SMARCD3: variants seen among roughly 807,000 people sequenced by gnomAD.
SMARCD3 encodes the protein SWI/SNF related BAF chromatin remodeling complex subunit D3.
In SMARCD3, 14 loss-of-function variants were observed where a neutral mutation model predicts 58.0. The ratio of observed to expected loss-of-function variants is 0.24; its 90% CI spans 0.16 to 0.38. The LOEUF is 0.38. SMARCD3 is among the 10% of genes least tolerant of loss of function. The pLI is 1.00. For missense variants in SMARCD3, 408 were observed against 636.9 expected (o/e 0.64, Z 3.87); for synonymous variants, 253 against 253.8 (o/e 1.00, Z 0.03).
intron 1 of SMARCD3, among the ~76,000 whole-genome samples, chr7:151,247,884 T>A (rs1803347697): frequency 6.6e-6 from 1 of 151,982 alleles, no homozygotes; most frequent in African/African-American, 2.4e-5. Flanking sequence ...GGTGGCTGAG[T>A]CCGCCAAGGA....
intron 2 of SMARCD3, among the ~76,000 whole-genome samples, chr7:151,268,987 C>T (rs1407529791): frequency 2.0e-5 from 3 of 152,222 alleles, no homozygotes; most frequent in Admixed American, 6.5e-5. Flanking sequence ...AGTCACTTCA[C>T]TCTTTCACTT....
At chr7:151,252,634 T>C (rs570241391), upstream of SMARCD3, among the ~76,000 whole-genome samples, 1 of 152,104 alleles carries the variant, frequency 6.6e-6, no homozygotes, top group Non-Finnish European at 1.5e-5. Context: ...TCGGGGGACC[T>C]CTGGCTAGTC....
At position 151,238,785 on chromosome 7, in the gene SMARCD3, T is replaced by A. The variant is rs776081151; in HGVS notation, c.*318A>T. ...GATAGAGAATTGTTGCTGTATTTTT[T>A]AAATATGAAAATGTTATTAAACATG... On this transcript the variant is annotated 3_prime_UTR_variant, in exon 13 of 13. Coordinates refer to ENST00000262188, the MANE Select transcript of SMARCD3 (RefSeq NM_001003801.2). 42 of 1,564,376 alleles carry A rather than the reference T, an allele frequency of 2.7e-5. No individual in the cohort carries two copies. The South Asian group carries it at 4.2e-4, about 16-fold the overall frequency.
In SMARCD3 at chr7:151,242,954, C is replaced by T; in HGVS notation, c.334-111G>A. Reference sequence around the variant, plus strand: ...TACAAAAGATGTCAGGGGAGCCATCCTACTTTTGGGCATGTAGCTTTGACA... The same window carrying T: ...TACAAAAGATGTCAGGGGAGCCATCTTACTTTTGGGCATGTAGCTTTGACA... On this transcript the variant is annotated intron_variant, in intron 3 of 12. Coordinates refer to ENST00000262188, the MANE Select transcript of SMARCD3 (RefSeq NM_001003801.2). This position sits in a 1 kb window ranked among gnomAD's most constrained non-coding sequence, Gnocchi z 4.7. 1.5e-6 allele frequency: 2 copies of T among 1,365,154 alleles called. No individual in the cohort carries two copies. The highest frequency in any genetic ancestry group is 2.0e-6 in the Non-Finnish European group (2 of 1,002,396). 84.6% of individuals were successfully genotyped at this position (1,365,154 alleles called of 1,614,324 possible). A position where few individuals can be genotyped will look rare whatever the true frequency, so the allele number is the denominator to read the frequency against.
At position 151,239,988 on chromosome 7, in the gene SMARCD3, C is replaced by CT. The variant is rs552440384; in HGVS notation, c.1173+123dup. The CT allele has an allele frequency of 0.15, 121,168 of 820,738 alleles. 3,821 individuals carry two copies. Among genetic ancestry groups the CT allele is most frequent in the African/African-American group, 0.2 (10,873 of 54,086 alleles). The allele number at this position is 820,738 out of a possible 1,614,324, so 50.8% of individuals were successfully genotyped here. ...GTCCCATTGGCCCAGAGTCTGGTCT[C>CT]TTTTTTTTTTTTTTTTTTAATTTAA... is the stretch of plus-strand genomic sequence containing the variant. On this transcript the variant is annotated intron_variant, in intron 10 of 12. Coordinates refer to ENST00000262188, the MANE Select transcript of SMARCD3 (RefSeq NM_001003801.2). This position sits in a 1 kb window ranked among gnomAD's most constrained non-coding sequence, Gnocchi z 7.0.
chr7:151,252,450 AGAGAGCGAGAGAACGCGAGAGGAGAGG>A (rs1221977403), upstream of SMARCD3, among the ~76,000 whole-genome samples: 1 of 151,562 alleles, frequency 6.6e-6, no homozygotes, highest in Non-Finnish European at 1.5e-5. Flanking sequence ...TGAGAGAGAG[AGAGAGCGAGAGAACGCGAGAGGAGAGG>A]GAGAGAGAGA....
chr7:151,242,378 G>T lies in SMARCD3; in HGVS notation c.579+103C>A. On this transcript the variant is annotated intron_variant, in intron 5 of 12. Coordinates refer to ENST00000262188, the MANE Select transcript of SMARCD3 (RefSeq NM_001003801.2). This position sits in a 1 kb window ranked among gnomAD's most constrained non-coding sequence, Gnocchi z 4.7. ...GTCTCTAGGCCTGCCCCTCCACCCA[G>T]CCTGGGCTGACTCCCTAGCCCTTAG... The T allele has an allele frequency of 6.6e-7, 1 of 1,512,776 alleles. No homozygotes were observed. Among genetic ancestry groups the T allele is most frequent in the Non-Finnish European group, 9.1e-7 (1 of 1,097,642 alleles). The allele number at this position is 1,512,776 out of a possible 1,614,324, so 93.7% of individuals were successfully genotyped here.
Position 151,245,636 on chromosome 7 carries a change from G to T in SMARCD3, c.114C>A (p.His38Gln). Residue 38 changes from histidine (H) to glutamine (Q), a missense_variant, in exon 2 of 13, where the codon CAC (histidine) becomes CAA (glutamine). By Grantham distance (24) the His-to-Gln change is conservative. Around this residue, in one of 4 missense-constraint regions of SMARCD3, gnomAD observed 84 missense variants for 81.2 expected, o/e 1.03. Coordinates refer to ENST00000262188, the MANE Select transcript of SMARCD3 (RefSeq NM_001003801.2). The surrounding 1 kb of genome is among the most constrained non-coding windows in gnomAD (Gnocchi z 6.2). Reference sequence around the variant, plus strand: ...CCGGGGGGCCCATGGGCGCCCCCTGGTGGGGCATCCGGGCTCCAGACGGCA... The same window carrying T: ...CCGGGGGGCCCATGGGCGCCCCCTGTTGGGGCATCCGGGCTCCAGACGGCA... Reference protein sequence around the residue: ...PGMPSGARMPHQGAPMGPPGS... With the variant: ...PGMPSGARMPQQGAPMGPPGS... The T allele has an allele frequency of 1.7e-6, 2 of 1,185,502 alleles. No individual in the cohort carries two copies. The highest frequency in any genetic ancestry group is 2.1e-6 in the Non-Finnish European group (2 of 946,244). The allele number at this position is 1,185,502 out of a possible 1,614,324, so 73.4% of individuals were successfully genotyped here.
chr7:151,247,886 C>T (rs1803347829), intron 1 of SMARCD3, among the ~76,000 whole-genome samples: 1 of 152,152 alleles, frequency 6.6e-6, no homozygotes, highest in South Asian at 2.1e-4. Flanking sequence ...TGGCTGAGTC[C>T]GCCAAGGAGA....
At position 151,239,769 on chromosome 7, in the gene SMARCD3, T is replaced by G; in HGVS notation, c.1174-23A>C. The G allele has an allele frequency of 6.2e-7, 1 of 1,613,368 alleles. No homozygotes were observed. The highest frequency in any genetic ancestry group is 8.5e-7 in the Non-Finnish European group (1 of 1,179,794). ...GATCTGCAGGTAGAAAGATAGATGC[T>G]TTCCACCTGGCTTTGGTGATGTGGG... is the stretch of plus-strand genomic sequence containing the variant. On this transcript the variant is annotated intron_variant, in intron 10 of 12. Coordinates refer to ENST00000262188, the MANE Select transcript of SMARCD3 (RefSeq NM_001003801.2). This position sits in a 1 kb window ranked among gnomAD's most constrained non-coding sequence, Gnocchi z 7.0.
Position 151,241,216 on chromosome 7 carries a change from G to A in SMARCD3, c.939+276C>T, listed in dbSNP as rs1456265187. On this transcript the variant is annotated intron_variant, in intron 8 of 12. Coordinates refer to ENST00000262188, the MANE Select transcript of SMARCD3 (RefSeq NM_001003801.2). The surrounding 1 kb of genome is among the most constrained non-coding windows in gnomAD (Gnocchi z 5.3). ...TGGGGATCCTAACTCCAAGTGCCAA[G>A]AATATTACATTCCAGAAAGCGGTTG... 1 of 470,828 alleles carries A rather than the reference G, an allele frequency of 2.1e-6. No homozygotes were observed. Among genetic ancestry groups the A allele is most frequent in the Non-Finnish European group, 3.9e-6 (1 of 254,684 alleles). The allele number at this position is 470,828 out of a possible 1,614,324, so 29.2% of individuals were successfully genotyped here. A position where few individuals can be genotyped will look rare whatever the true frequency, so the allele number is the denominator to read the frequency against.
chr7:151,242,716 G>A lies in SMARCD3; in HGVS notation c.456+5C>T. 6.2e-7 allele frequency: 1 copy of A among 1,613,968 alleles called. No individual in the cohort carries two copies. ...AGTCCCCTTCCTACCCCCGAACTAA[G>A]GCACCTTCATGGGCCTCTTCAGAGC... On this transcript the variant is annotated splice_donor_5th_base_variant and intron_variant, in intron 4 of 12. Coordinates refer to ENST00000262188, the MANE Select transcript of SMARCD3 (RefSeq NM_001003801.2). The surrounding 1 kb of genome is among the most constrained non-coding windows in gnomAD (Gnocchi z 4.7).
rs980478683 is a variant in SMARCD3 at position 151,242,392 on chromosome 7, C to G, written c.579+89G>C. 1.9e-6 allele frequency: 3 copies of G among 1,551,726 alleles called. No individual in the cohort carries two copies. In the African/African-American group the frequency reaches 4.1e-5, roughly 21 times the overall value. On this transcript the variant is annotated intron_variant, in intron 5 of 12. Transcript: ENST00000262188. This position sits in a 1 kb window ranked among gnomAD's most constrained non-coding sequence, Gnocchi z 4.7. ...CCCTCCACCCAGCCTGGGCTGACTCCCTAGCCCTTAGTGCAGACACCTTGT... is the reference window on the plus strand; with the variant it reads ...CCCTCCACCCAGCCTGGGCTGACTCGCTAGCCCTTAGTGCAGACACCTTGT...
intron 2 of SMARCD3, among the ~76,000 whole-genome samples, chr7:151,266,516 A>G (rs569066691): frequency 6.2e-4 from 94 of 152,264 alleles, no homozygotes; most frequent in African/African-American, 2.1e-3. Flanking sequence ...ATCGATCTGC[A>G]TCTATATCTT....
rs1803239838 is a variant in SMARCD3 at position 151,245,946 on chromosome 7, C to G, written c.79-275G>C. The G allele has an allele frequency of 6.0e-6, 2 of 333,520 alleles. No homozygotes were observed. Among genetic ancestry groups the G allele is most frequent in the Admixed American group, 9.7e-5 (2 of 20,590 alleles). The allele number at this position is 333,520 out of a possible 1,614,324, so 20.7% of individuals were successfully genotyped here. A position where few individuals can be genotyped will look rare whatever the true frequency, so the allele number is the denominator to read the frequency against. On this transcript the variant is annotated intron_variant, in intron 1 of 12. Transcript: ENST00000262188. The surrounding 1 kb of genome is among the most constrained non-coding windows in gnomAD (Gnocchi z 6.2). ...CGAGCCTCGGGGCTGCGGAAGGTACCGCAAAAATGAATATTAATGGCGCCT... is the reference window on the plus strand; with the variant it reads ...CGAGCCTCGGGGCTGCGGAAGGTACGGCAAAAATGAATATTAATGGCGCCT...
Position 151,248,514 on chromosome 7 carries a change from T to G in SMARCD3, c.49A>C (p.Lys17Gln), listed in dbSNP as rs1455244035. The G allele has an allele frequency of 3.1e-6, 5 of 1,613,236 alleles. No homozygotes were observed. The highest frequency in any genetic ancestry group is 4.2e-6 in the Non-Finnish European group (5 of 1,179,540). Residue 17 changes from lysine to glutamine, a missense_variant, in exon 1 of 13, where the codon AAA becomes CAA. Lys to Gln is a moderately conservative substitution (Grantham distance 53). Coordinates refer to ENST00000262188, the MANE Select transcript of SMARCD3 (RefSeq NM_001003801.2). The surrounding 1 kb of genome is among the most constrained non-coding windows in gnomAD (Gnocchi z 6.1). ...AGGARKATKS[K>Q]LFEFLVHGVR... ...CCATGGACCAGAAACTCAAAAAGTT[T>G]GCTTTTCGTGGCTTTGCGCGCCCCT...
chr7:151,245,549 G>A lies in SMARCD3; in HGVS notation c.201C>T (p.Pro67=). The change falls in exon 2 of 13, where the codon CCC becomes CCT. Residue 67 remains proline, a synonymous_variant. Coordinates refer to ENST00000262188, the MANE Select transcript of SMARCD3 (RefSeq NM_001003801.2). This position sits in a 1 kb window ranked among gnomAD's most constrained non-coding sequence, Gnocchi z 6.2. ...GCGGGGGCGCTGCTCGCTTGCGGGCGGGCTCCATGCCCGCGGGGGCCAGGC... is the reference window on the plus strand; with the variant it reads ...GCGGGGGCGCTGCTCGCTTGCGGGCAGGCTCCATGCCCGCGGGGGCCAGGC... ...RPGLAPAGME[P]ARKRAAPPPG... The A allele has an allele frequency of 8.3e-7, 1 of 1,207,800 alleles. No homozygotes were observed. The highest frequency in any genetic ancestry group is 1.0e-6 in the Non-Finnish European group (1 of 967,764). The allele number at this position is 1,207,800 out of a possible 1,614,324, so 74.8% of individuals were successfully genotyped here. A position where few individuals can be genotyped will look rare whatever the true frequency, so the allele number is the denominator to read the frequency against.
rs1332758289 is a variant in SMARCD3 at position 151,242,125 on chromosome 7, T to A, written c.675+12A>T. On this transcript the variant is annotated intron_variant, in intron 6 of 12. Transcript: ENST00000262188. This position sits in a 1 kb window ranked among gnomAD's most constrained non-coding sequence, Gnocchi z 4.7. ...GGTGGCAATTCAAGGGCGGAGGGGC[T>A]CTTGGTCTTACCTCAACGAGGTGGT... 5 of 1,600,952 alleles carry A rather than the reference T, an allele frequency of 3.1e-6. No homozygotes were observed. Among genetic ancestry groups the A allele is most frequent in the Non-Finnish European group, 3.4e-6 (4 of 1,167,932 alleles).
intron 2 of SMARCD3, among the ~76,000 whole-genome samples, chr7:151,260,065 G>A (rs1803867908): frequency 6.6e-6 from 1 of 152,156 alleles, no homozygotes; most frequent in South Asian, 2.1e-4. Context: ...ATGAAAATGA[G>A]GCTCTAAGAA....
Sources: gnomAD v4.1 joint callset for allele counts (sites outside exome capture counted in the v4.1 genomes callset) on GRCh38, gnomAD v4.1.1 for gene constraint, gnomAD v4.1.1 regional missense constraint, Gnocchi (gnomAD v3.1) non-coding constraint, MANE v1.5 for transcripts, NCBI Gene and HGNC (gene_info 2026-07-23, HGNC 2026-07-21) for gene names.